NTM: variants seen among roughly 807,000 people sequenced by gnomAD.
NTM encodes the protein neurotrimin.
In NTM, 13 loss-of-function variants were observed where a neutral mutation model predicts 42.1. That is an observed-to-expected ratio of 0.31 (90% CI 0.20 to 0.49). The LOEUF (loss-of-function observed/expected upper bound fraction) is 0.49, where lower values mean the gene tolerates loss of function less well. NTM is among the 20% of genes least tolerant of loss of function. NTM has a pLI of 0.99. For synonymous variants in NTM, 187 were observed against 179.2 expected, an observed-to-expected ratio of 1.04 and a Z score of -0.35; for missense variants, 373 against 452.8, an observed-to-expected ratio of 0.82 and a Z score of 1.60.
Position 132,280,516 on chromosome 11 carries a change from C to T in NTM, c.527-27173C>T, listed in dbSNP as rs189969922. The stretch of plus-strand genomic sequence containing the variant: ...TTTTTTTTTTTTTGAGATGGAGTCA[C>T]GCCCTGGCACCCAGGCTGGAGTGCA... On this transcript the variant is annotated intron_variant, in intron 4 of 8. Transcript: ENST00000683400. Among the ~76,000 whole-genome samples the T allele has an allele frequency of 1.4e-4, 21 of 144,958 alleles. No homozygotes were observed. In the East Asian group the frequency reaches 2.2e-3, roughly 15 times the overall value.
intron 1 of NTM, chr11:131,546,818 A>T (rs1296208321): frequency 4.6e-5 from 7 of 151,756 alleles, no homozygotes; most frequent in African/African-American, 1.7e-4. Context: ...GGCCCGGAAA[A>T]CTCTTCCTCT....
intron 1 of NTM, among the ~76,000 whole-genome samples, chr11:131,471,374 A>G: frequency 6.6e-6 from 1 of 152,178 alleles, no homozygotes; most frequent in Non-Finnish European, 1.5e-5. Flanking sequence ...AAGGGTGATG[A>G]AGGCAGCCCT....
chr11:131,796,385 C>T (rs1591919439), intron 1 of NTM: 1 of 153,488 alleles, frequency 6.5e-6, no homozygotes, highest in Admixed American at 6.5e-5. Context: ...GCTGCTGGTT[C>T]CTATGACGGT....
intron 1 of NTM, among the ~76,000 whole-genome samples, chr11:131,451,483 G>A (rs1000972237): frequency 4.6e-5 from 7 of 152,180 alleles, no homozygotes; most frequent in Admixed American, 6.5e-5. Flanking sequence ...GTGGAAGAGC[G>A]AGACTGGGGG....
At chr11:131,621,016 CA>C (rs2137650877) in intron 1 of NTM, among the ~76,000 whole-genome samples, 1 of 152,220 alleles carries the variant, frequency 6.6e-6, no homozygotes, top group Non-Finnish European at 1.5e-5. Flanking sequence ...CTGCCAGACA[CA>C]AAGCTTGTAA....
intron 1 of NTM, among the ~76,000 whole-genome samples, chr11:131,555,563 A>G (rs1420284236): frequency 6.6e-6 from 1 of 152,190 alleles, no homozygotes; most frequent in Non-Finnish European, 1.5e-5. Flanking sequence ...ATACCCAATG[A>G]CAGGTAGATT....
intron 3 of NTM, among the ~76,000 whole-genome samples, chr11:132,151,068 T>G (rs2071792125): frequency 6.6e-6 from 1 of 152,152 alleles, no homozygotes; most frequent in Admixed American, 6.5e-5. Context: ...GACCTTAGGG[T>G]TTTTTGCCTA....
intron 1 of NTM, among the ~76,000 whole-genome samples, chr11:131,785,701 AAGAT>A (rs955858220): frequency 2.6e-5 from 4 of 152,226 alleles, no homozygotes; most frequent in African/African-American, 9.6e-5. Flanking sequence ...AGGTGAGACT[AAGAT>A]AGAGACCTGA....
intron 1 of NTM, among the ~76,000 whole-genome samples, chr11:131,890,259 C>G (rs965630239): frequency 6.6e-6 from 1 of 152,170 alleles, no homozygotes; most frequent in Admixed American, 6.5e-5. Context: ...TGTAGAGACA[C>G]ACACCATACC....
chr11:131,617,144 C>A (rs2062022045), intron 1 of NTM, among the ~76,000 whole-genome samples: 1 of 151,980 alleles, frequency 6.6e-6, no homozygotes, highest in Non-Finnish European at 1.5e-5. Flanking sequence ...GTCAGGGTTC[C>A]CTCGGTCCTT....
chr11:131,979,042 G>A (rs567348556), intron 2 of NTM, among the ~76,000 whole-genome samples: 1 of 152,050 alleles, frequency 6.6e-6, no homozygotes, highest in African/African-American at 2.4e-5. Context: ...TCGCTCTTGG[G>A]TACATACTTG....
chr11:131,673,611 T>G (rs184896770), intron 1 of NTM, among the ~76,000 whole-genome samples: 235 of 152,316 alleles, frequency 1.5e-3, no homozygotes, highest in African/African-American at 5.6e-3. Context: ...GCTGCTCTAA[T>G]TTTGTCTGCT....
intron 3 of NTM, among the ~76,000 whole-genome samples, chr11:132,173,656 A>C (rs1287021571): frequency 6.6e-6 from 1 of 152,140 alleles, no homozygotes; most frequent in Non-Finnish European, 1.5e-5. Flanking sequence ...CTATTATGAA[A>C]ACCAGCTTGT....
intron 3 of NTM, among the ~76,000 whole-genome samples, chr11:132,203,499 A>C (rs190533923): frequency 2.0e-5 from 3 of 152,284 alleles, no homozygotes; most frequent in African/African-American, 4.8e-5. Flanking sequence ...TTCTGATATG[A>C]AGCTTAGGGT....
intron 4 of NTM, among the ~76,000 whole-genome samples, chr11:132,235,998 A>G (rs1285406317): frequency 3.8e-5 from 5 of 132,994 alleles, no homozygotes; most frequent in Non-Finnish European, 1.6e-5. Context: ...ACACAGACAC[A>G]CACACACACA....
intron 2 of NTM, among the ~76,000 whole-genome samples, chr11:131,958,070 GC>G (rs915130415): frequency 6.6e-5 from 10 of 152,166 alleles, no homozygotes; most frequent in Non-Finnish European, 2.9e-5. Context: ...GCGCCTAGAT[GC>G]CGACACCACC....
intron 1 of NTM, among the ~76,000 whole-genome samples, chr11:131,498,211 G>C (rs1955552074): frequency 1.3e-5 from 2 of 152,164 alleles, no homozygotes; most frequent in Admixed American, 6.5e-5. Context: ...TCTGCAGTCA[G>C]ACAGACCCAA....
At chr11:132,305,559 G>T (rs2095046535) in intron 4 of NTM, among the ~76,000 whole-genome samples, 1 of 152,140 alleles carries the variant, frequency 6.6e-6, no homozygotes, top group Admixed American at 6.5e-5. Flanking sequence ...AAAATTAATG[G>T]GAATATTAAG....
chr11:132,201,574 C>T (rs533612648), intron 3 of NTM, among the ~76,000 whole-genome samples: 1 of 152,338 alleles, frequency 6.6e-6, no homozygotes, highest in Non-Finnish European at 1.5e-5. Context: ...TGTCAGAAAT[C>T]TCTTGCCAGC....
Sources: gnomAD v4.1 joint callset for allele counts (sites outside exome capture counted in the v4.1 genomes callset) on GRCh38, gnomAD v4.1.1 for gene constraint, MANE v1.5 for transcripts, NCBI Gene and HGNC (gene_info 2026-07-23, HGNC 2026-07-21) for gene names.